MAGI2: variants seen among roughly 807,000 people sequenced by gnomAD.
MAGI2 encodes membrane associated guanylate kinase, WW and PDZ domain containing 2, also known as membrane-associated guanylate kinase, WW and PDZ domain-containing protein 2.
MAGI2 carries 35 observed loss-of-function variants against 133.3 expected under a neutral mutation model. The ratio of observed to expected loss-of-function variants is 0.26; its 90% CI spans 0.20 to 0.35. MAGI2 has a LOEUF of 0.35. Among genes scored for constraint, MAGI2 ranks in the 10% least tolerant of loss-of-function variants. The pLI is 1.00. For missense variants in MAGI2, 1,636 were observed against 1,863.4 expected, an observed-to-expected ratio of 0.88 and a Z score of 2.25; for synonymous variants, 729 against 710.6, an observed-to-expected ratio of 1.03 and a Z score of -0.41.
At chr7:78,666,321 A>C (rs1563322564) in intron 2 of MAGI2, among the ~76,000 whole-genome samples, 1 of 152,280 alleles carries the variant, frequency 6.6e-6, no homozygotes, top group South Asian at 2.1e-4. Context: ...TTAATGAGGG[A>C]AGAGTAAGAA....
chr7:79,252,281 T>C (rs1337440881), intron 1 of MAGI2, among the ~76,000 whole-genome samples: 1 of 151,900 alleles, frequency 6.6e-6, no homozygotes, highest in Non-Finnish European at 1.5e-5. Context: ...ACAACGTGGA[T>C]AGATCTGAAG....
chr7:79,048,829 C>G (rs751229028), intron 1 of MAGI2, among the ~76,000 whole-genome samples: 1 of 152,064 alleles, frequency 6.6e-6, no homozygotes, highest in African/African-American at 2.4e-5. Flanking sequence ...CAAAAATTAG[C>G]CAGGTGTGGT....
intron 2 of MAGI2, among the ~76,000 whole-genome samples, chr7:78,705,323 C>T (rs1818531137): frequency 6.6e-6 from 1 of 152,092 alleles, no homozygotes; most frequent in Admixed American, 6.6e-5. Context: ...TGAAGAAGGT[C>T]CTTGTTTCCT....
In MAGI2 at chr7:79,073,960, C is replaced by T. The variant is rs901917770; in HGVS notation, c.302-66754G>A. On this transcript the variant is annotated intron_variant, in intron 1 of 21. Transcript: ENST00000354212. ...GTTTAAATGCCACTTCTTTCAGAGA[C>T]AACCTCATAGATTTTCAAAGACTAG... Among the ~76,000 whole-genome samples, 4 of 151,930 alleles carry T rather than the reference C, an allele frequency of 2.6e-5. 1 individual carries two copies. Among genetic ancestry groups the T allele is most frequent in the Admixed American group, 2.0e-4 (3 of 15,244 alleles).
intron 1 of MAGI2, among the ~76,000 whole-genome samples, chr7:79,108,810 C>G (rs1252889451): frequency 6.6e-6 from 1 of 152,086 alleles, no homozygotes; most frequent in East Asian, 1.9e-4. Context: ...AGGGGTGGAT[C>G]CCTTGTGGCT....
intron 1 of MAGI2, among the ~76,000 whole-genome samples, chr7:79,305,012 C>T (rs1837672694): frequency 6.6e-6 from 1 of 152,094 alleles, no homozygotes; most frequent in Non-Finnish European, 1.5e-5. Context: ...AACAATTCTC[C>T]CATCACTATG....
At chr7:79,432,600 G>GA (rs150645271) in intron 1 of MAGI2, among the ~76,000 whole-genome samples, 1 of 152,154 alleles carries the variant, frequency 6.6e-6, no homozygotes, top group Non-Finnish European at 1.5e-5. Context: ...TTGCTTTTCA[G>GA]AAAAAACAAG....
chr7:79,193,130 G>A (rs1827812003), intron 1 of MAGI2, among the ~76,000 whole-genome samples: 1 of 151,924 alleles, frequency 6.6e-6, no homozygotes. Context: ...GTAGAATCCA[G>A]ATAGGACACA....
intron 2 of MAGI2, among the ~76,000 whole-genome samples, chr7:78,802,993 C>T (rs138684550): frequency 1.1e-3 from 161 of 148,016 alleles, no homozygotes; most frequent in African/African-American, 3.9e-3. Flanking sequence ...TTCAATTTAG[C>T]TTTCTTGTAA....
chr7:78,496,941 T>C (rs56002029), intron 5 of MAGI2, among the ~76,000 whole-genome samples: 21,886 of 152,212 alleles, frequency 0.14, 2,295 homozygotes, highest in African/African-American at 0.29. Context: ...GCCCTGGCTA[T>C]GTCTGACTTT....
At chr7:78,861,697 G>T (rs2151501994) in intron 2 of MAGI2, among the ~76,000 whole-genome samples, 1 of 152,244 alleles carries the variant, frequency 6.6e-6, no homozygotes, top group South Asian at 2.1e-4. Flanking sequence ...TCACATGATT[G>T]TTTTAAGGAT....
chr7:79,415,897 G>A (rs936115974), intron 1 of MAGI2, among the ~76,000 whole-genome samples: 1 of 152,146 alleles, frequency 6.6e-6, no homozygotes, highest in South Asian at 2.1e-4. Flanking sequence ...ACTGGCCTGG[G>A]TCGGGGAATA....
At chr7:78,968,378 A>C (rs1803505098) in intron 2 of MAGI2, among the ~76,000 whole-genome samples, 1 of 151,546 alleles carries the variant, frequency 6.6e-6, no homozygotes, top group Non-Finnish European at 1.5e-5. Flanking sequence ...CTTCTAATCT[A>C]TGAAGATGTC....
At chr7:78,863,600 C>G (rs1161488352) in intron 2 of MAGI2, among the ~76,000 whole-genome samples, 1 of 152,216 alleles carries the variant, frequency 6.6e-6, no homozygotes, top group African/African-American at 2.4e-5. Flanking sequence ...CAGTGGGGAC[C>G]AAATTTCAAC....
chr7:78,567,519 A>G (rs1801071755), intron 3 of MAGI2, among the ~76,000 whole-genome samples: 1 of 152,182 alleles, frequency 6.6e-6, no homozygotes, highest in African/African-American at 2.4e-5. Context: ...CCAGTAGGAT[A>G]CATAGATGTA....
At chr7:79,047,182 A>G (rs938883285) in intron 1 of MAGI2, among the ~76,000 whole-genome samples, 1 of 152,140 alleles carries the variant, frequency 6.6e-6, no homozygotes, top group Non-Finnish European at 1.5e-5. Context: ...AGCCAGCAAG[A>G]TGTGTTATTA....
intron 2 of MAGI2, among the ~76,000 whole-genome samples, chr7:78,982,630 A>C (rs1804889194): frequency 6.6e-6 from 1 of 151,894 alleles, no homozygotes; most frequent in Non-Finnish European, 1.5e-5. Context: ...TCCAGAAGTC[A>C]TTCTGGCCTA....
At chr7:78,262,883 T>G (rs1793645609) in intron 9 of MAGI2, among the ~76,000 whole-genome samples, 1 of 152,156 alleles carries the variant, frequency 6.6e-6, no homozygotes, top group Non-Finnish European at 1.5e-5. Context: ...ATGGGTATAC[T>G]GCTCAAGGCT....
intron 20 of MAGI2, among the ~76,000 whole-genome samples, chr7:78,102,868 G>A (rs1440271990): frequency 6.6e-6 from 1 of 152,216 alleles, no homozygotes; most frequent in Non-Finnish European, 1.5e-5. Context: ...GAGGTGGTAC[G>A]CAGCGTTCTG....
Sources: allele counts gnomAD v4.1 joint callset (sites outside exome capture counted in the v4.1 genomes callset), GRCh38; gene constraint gnomAD v4.1.1; transcripts MANE v1.5; gene names NCBI Gene and HGNC (gene_info 2026-07-23, HGNC 2026-07-21).